MORN1: variants seen among roughly 807,000 people sequenced by gnomAD.
MORN1 encodes MORN repeat-containing protein 1.
MORN1 carries 67 observed loss-of-function variants against 61.9 expected under a neutral mutation model. The ratio of observed to expected loss-of-function variants is 1.08; its 90% CI spans 0.89 to 1.33. The LOEUF (loss-of-function observed/expected upper bound fraction) is 1.33, where lower values mean the gene tolerates loss of function less well. Ranked by LOEUF, MORN1 falls within the 40% of genes most tolerant of loss-of-function variation. MORN1 has a pLI of 0.00. For synonymous variants in MORN1, 301 were observed against 292.0 expected (o/e 1.03, Z -0.31); for missense variants, 752 against 691.2 (o/e 1.09, Z -0.99).
At chr1:2,328,824 AC>A (rs1209460747) in intron 12 of MORN1, among the ~76,000 whole-genome samples, 1 of 151,992 alleles carries the variant, frequency 6.6e-6, no homozygotes, top group African/African-American at 2.4e-5. Context: ...CCCATGGAAC[AC>A]CCGGAGAATG....
In MORN1 at chr1:2,328,956, TGAC is replaced by T. The variant is rs1436192567; in HGVS notation, c.1251-4816_1251-4814del. Reference sequence around the variant, plus strand: ...CGCAGGCATCTGCAGCCCAGGGAGATGACGGTGGTTTTGTGACTGCTTTCCCAG... The same window carrying T: ...CGCAGGCATCTGCAGCCCAGGGAGATGGTGGTTTTGTGACTGCTTTCCCAG... On this transcript the variant is annotated intron_variant, in intron 12 of 13. Coordinates refer to ENST00000378531, the MANE Select transcript of MORN1 (RefSeq NM_024848.3). Among the ~76,000 whole-genome samples, 6 of 152,194 alleles carry T rather than the reference TGAC, an allele frequency of 3.9e-5. No individual in the cohort carries two copies. In the East Asian group the frequency reaches 1.2e-3, roughly 29 times the overall value.
intron 8 of MORN1, among the ~76,000 whole-genome samples, chr1:2,365,284 G>T (rs892467541): frequency 9.5e-5 from 14 of 148,006 alleles, no homozygotes; most frequent in Non-Finnish European, 1.9e-4. Flanking sequence ...CACGTCCCTT[G>T]TAAGTTGGAT....
chr1:2,345,829 C>CACACACACACACA (rs1641501048), intron 10 of MORN1, among the ~76,000 whole-genome samples: 1 of 148,988 alleles, frequency 6.7e-6, no homozygotes, highest in African/African-American at 2.5e-5. Flanking sequence ...ATGTATGCGG[C>CACACACACACACA]CACACACACA....
intron 4 of MORN1, chr1:2,387,169 G>T (rs1221014436): frequency 1.8e-6 from 1 of 549,870 alleles, no homozygotes; most frequent in East Asian, 2.9e-5. Context: ...CTAAGCCACG[G>T]GCGTCTGTTC....
At chr1:2,374,692 G>A (rs1642196353) in intron 6 of MORN1, 135 bp from the exon 7 acceptor site, 1 of 676,614 alleles carries the variant, frequency 1.5e-6, no homozygotes, top group Admixed American at 2.6e-5. Flanking sequence ...ATCGTCTCGA[G>A]GGTCCTTGCA....
intron 6 of MORN1, among the ~76,000 whole-genome samples, chr1:2,381,361 A>G (rs1381903103): frequency 1.3e-5 from 2 of 152,224 alleles, no homozygotes; most frequent in East Asian, 3.9e-4. Flanking sequence ...CTCACTGGCC[A>G]TGGTCTGCCC....
At chr1:2,324,068 G>C in intron 13 of MORN1, 29 bp downstream of exon 13, 2 of 1,582,830 alleles carry the variant, frequency 1.3e-6, no homozygotes, top group Non-Finnish European at 1.7e-6. Flanking sequence ...TGGCACAGCC[G>C]GCGATGGACT....
chr1:2,386,085 G>C, intron 4 of MORN1, 188 bp from the exon 5 acceptor site: 1 of 593,598 alleles, frequency 1.7e-6, no homozygotes. Flanking sequence ...AGCACGGCTC[G>C]GTGAGGCTCT....
Position 2,357,560 on chromosome 1 carries a change from G to T in MORN1, c.908C>A (p.Ala303Glu). ...AGCTCTGGGCCCCGGCACCCCAGCT[G>T]CGGGGCTGGACACAGGATAAGGGAT... is the stretch of plus-strand genomic sequence containing the variant. Reference protein sequence around the residue: ...ECIPYPVSSPAAGVPGPRAAK... With the variant: ...ECIPYPVSSPEAGVPGPRAAK... Residue 303 changes from alanine to glutamate, a missense_variant, in exon 10 of 14, where the codon GCA becomes GAA. Ala to Glu is a moderately radical substitution (Grantham distance 107). Transcript: ENST00000378531. The surrounding 1 kb of genome is among the most constrained non-coding windows in gnomAD (Gnocchi z 6.3). The T allele has an allele frequency of 6.2e-7, 1 of 1,611,730 alleles. No homozygotes were observed. The highest frequency in any genetic ancestry group is 8.5e-7 in the Non-Finnish European group (1 of 1,179,090).
At chr1:2,338,174 C>A (rs1641320379) in intron 10 of MORN1, among the ~76,000 whole-genome samples, 1 of 152,186 alleles carries the variant, frequency 6.6e-6, no homozygotes, top group Non-Finnish European at 1.5e-5. Flanking sequence ...TAGGGAGCGA[C>A]AGAGACGCTA....
At chr1:2,346,447 G>A (rs1037779904) in intron 10 of MORN1, among the ~76,000 whole-genome samples, 11 of 152,266 alleles carry the variant, frequency 7.2e-5, no homozygotes, top group African/African-American at 2.4e-4. Context: ...GTGCCGTGGC[G>A]CATTCTCGGC....
At chr1:2,326,661 C>T (rs539745522) in intron 12 of MORN1, 49 of 152,564 alleles carry the variant, frequency 3.2e-4, no homozygotes, top group African/African-American at 9.6e-4. Flanking sequence ...GTCCCTCACG[C>T]GCTGGCCATG....
chr1:2,339,918 T>C (rs1641357821), intron 10 of MORN1, among the ~76,000 whole-genome samples: 1 of 152,238 alleles, frequency 6.6e-6, no homozygotes, highest in South Asian at 2.1e-4. Flanking sequence ...GGAGCACGGC[T>C]TGGAATCCCT....
At chr1:2,385,549 CG>C (rs556462194) in intron 5 of MORN1, 13,452 of 96,868 alleles carry the variant, frequency 0.14, 82 homozygotes, top group East Asian at 0.19. Flanking sequence ...GTATTTTAAT[CG>C]GGGGGGGGGG....
chr1:2,356,336 C>T (rs1348098577), intron 10 of MORN1, among the ~76,000 whole-genome samples: 2 of 152,154 alleles, frequency 1.3e-5, no homozygotes, highest in African/African-American at 2.4e-5. Context: ...TCTCGTCAAA[C>T]CTGGGACATT....
At position 2,337,001 on chromosome 1, in the gene MORN1, C is replaced by T. The variant is rs1641294997; in HGVS notation, c.1037-151G>A. 2 of 919,360 alleles carry T rather than the reference C, an allele frequency of 2.2e-6. No homozygotes were observed. Among genetic ancestry groups the T allele is most frequent in the Admixed American group, 3.8e-5 (1 of 26,034 alleles). 57.0% of individuals were successfully genotyped at this position (919,360 alleles called of 1,614,324 possible). On this transcript the variant is annotated intron_variant, in intron 10 of 13. Coordinates refer to ENST00000378531, the MANE Select transcript of MORN1 (RefSeq NM_024848.3). This position sits in a 1 kb window ranked among gnomAD's most constrained non-coding sequence, Gnocchi z 5.7. ...ATCTTGGTGGGGGCAGGTCAGGGGGCAGGGACTGTCCATCCTGGGTGCTCC... is the reference window on the plus strand; with the variant it reads ...ATCTTGGTGGGGGCAGGTCAGGGGGTAGGGACTGTCCATCCTGGGTGCTCC...
intron 10 of MORN1, among the ~76,000 whole-genome samples, chr1:2,353,344 C>T (rs1390698847): frequency 6.6e-6 from 1 of 152,264 alleles, no homozygotes; most frequent in African/African-American, 2.4e-5. Context: ...CCTGTCCCTG[C>T]TGGCTGGTTG....
chr1:2,371,976 T>A (rs549131388), intron 8 of MORN1: 2 of 167,174 alleles, frequency 1.2e-5, no homozygotes, highest in African/African-American at 4.8e-5. Flanking sequence ...CATAGGTGCA[T>A]ACCCATGAGA....
intron 10 of MORN1, among the ~76,000 whole-genome samples, chr1:2,344,490 G>A (rs545581813): frequency 6.6e-6 from 1 of 152,316 alleles, no homozygotes; most frequent in Non-Finnish European, 1.5e-5. Flanking sequence ...TGGGGTGCAG[G>A]AGCCCCAAGG....
Sources: allele counts gnomAD v4.1 joint callset (sites outside exome capture counted in the v4.1 genomes callset), GRCh38; gene constraint gnomAD v4.1.1; non-coding constraint Gnocchi (gnomAD v3.1); transcripts MANE v1.5; gene names NCBI Gene and HGNC (gene_info 2026-07-23, HGNC 2026-07-21).